PNPLA8: variants seen among roughly 807,000 people sequenced by gnomAD.
The protein encoded by PNPLA8 is calcium-independent phospholipase A2-gamma.
PNPLA8 carries 39 observed loss-of-function variants against 76.9 expected under a neutral mutation model. That is an observed-to-expected ratio of 0.51 (90% CI 0.39 to 0.66). The LOEUF is 0.66. Among genes scored for constraint, PNPLA8 ranks in the 30% least tolerant of loss-of-function variants. The probability of loss-of-function intolerance (pLI) is 0.00; values close to 1 mark genes in which losing one functional copy is unlikely to be tolerated. For synonymous variants in PNPLA8, 301 were observed against 307.9 expected, an observed-to-expected ratio of 0.98 and a Z score of 0.24; for missense variants, 887 against 918.0, an observed-to-expected ratio of 0.97 and a Z score of 0.44.
chr7:108,522,648 C>T (rs1863828702), intron 1 of PNPLA8, among the ~76,000 whole-genome samples: 1 of 152,086 alleles, frequency 6.6e-6, no homozygotes, highest in African/African-American at 2.4e-5. Context: ...TCCTTAAACT[C>T]GACAAAATTT....
intron 4 of PNPLA8, chr7:108,511,040 G>GAAAAA (rs60102827): frequency 9.0e-5 from 33 of 366,902 alleles, no homozygotes; most frequent in South Asian, 6.1e-4. Context: ...TCTCAAATTG[G>GAAAAA]AAAAAAAAAA....
At chr7:108,487,172 G>A (rs978768892) in intron 9 of PNPLA8, among the ~76,000 whole-genome samples, 3 of 152,068 alleles carry the variant, frequency 2.0e-5, no homozygotes, top group African/African-American at 7.2e-5. Flanking sequence ...TATAATTACG[G>A]ACAACATCCT....
intron 9 of PNPLA8, among the ~76,000 whole-genome samples, chr7:108,481,040 C>T (rs1282610804): frequency 6.6e-6 from 1 of 152,174 alleles, no homozygotes; most frequent in Non-Finnish European, 1.5e-5. Context: ...CAAGTAGTTG[C>T]ATGTATCAAT....
At chr7:108,519,566 C>T (rs1863593891) in intron 2 of PNPLA8, among the ~76,000 whole-genome samples, 2 of 152,100 alleles carry the variant, frequency 1.3e-5, no homozygotes, top group African/African-American at 4.8e-5. Context: ...GAAGTAAAAT[C>T]CTTCCTTCTA....
intron 1 of PNPLA8, among the ~76,000 whole-genome samples, chr7:108,522,155 G>A (rs1863783975): frequency 1.3e-5 from 2 of 151,878 alleles, no homozygotes; most frequent in African/African-American, 2.4e-5. Flanking sequence ...TTAGCCGGGC[G>A]TGGTGGTACG....
intron 4 of PNPLA8, chr7:108,510,952 C>T (rs1030400676): frequency 1.3e-6 from 2 of 1,561,938 alleles, no homozygotes; most frequent in South Asian, 2.2e-5. Context: ...ACCAGATCAA[C>T]AGGCTTATTA....
intron 1 of PNPLA8, among the ~76,000 whole-genome samples, chr7:108,522,098 A>T (rs1863779160): frequency 6.6e-6 from 1 of 151,818 alleles, no homozygotes; most frequent in South Asian, 2.1e-4. Context: ...GTTCAAGACC[A>T]GCCTGGCCAA....
intron 5 of PNPLA8, among the ~76,000 whole-genome samples, chr7:108,500,466 T>A (rs1374837604): frequency 6.6e-6 from 1 of 152,242 alleles, no homozygotes; most frequent in Non-Finnish European, 1.5e-5. Flanking sequence ...TCTGTATGGA[T>A]ATAATCTTAT....
In PNPLA8 at chr7:108,472,583, G is replaced by A. The variant is rs768930646; in HGVS notation, c.2167C>T (p.Arg723Ter). ...MCENIPLDESRNEKLDQLQLE... is the reference protein window; with the variant it reads ...MCENIPLDES Reference sequence around the variant, plus strand: ...TGCAGCTGATCCAGCTTTTCATTTCGACTTTCATCTAGAGGTATGTTTTCA... The same window carrying A: ...TGCAGCTGATCCAGCTTTTCATTTCAACTTTCATCTAGAGGTATGTTTTCA... Residue 723 changes from arginine (R) to a stop codon, truncating the protein, a stop_gained, in exon 11 of 11, where the codon CGA (arginine) becomes TGA (stop). Coordinates refer to ENST00000257694, the MANE Select transcript of PNPLA8 (RefSeq NM_001256007.3). LOFTEE classifies it high-confidence loss of function. The A allele has an allele frequency of 1.9e-6, 3 of 1,612,254 alleles. No individual in the cohort carries two copies. Among genetic ancestry groups the A allele is most frequent in the African/African-American group, 2.7e-5 (2 of 74,616 alleles).
rs369261888 is a variant in PNPLA8, at chr7:108,502,442, CAAAAAAAAAAAAAAA to C, written c.1358+34_1358+48del. On this transcript the variant is annotated intron_variant, in intron 5 of 10. Transcript: ENST00000257694. ...TGGGCAACAGAGGGAAACTCCATCT[CAAAAAAAAAAAAAAA>C]AAAAAAAAAAAAGAATCATGTTCCT... The C allele has an allele frequency of 2.1e-5, 13 of 624,224 alleles. No individual in the cohort carries two copies. The African/African-American group carries it at 2.5e-4, about 12-fold the overall frequency. The allele number at this position is 624,224 out of a possible 1,614,324, so 38.7% of individuals were successfully genotyped here. A position where few individuals can be genotyped will look rare whatever the true frequency, so the allele number is the denominator to read the frequency against.
In PNPLA8 at chr7:108,505,552, G is replaced by A. The variant is rs375716860; in HGVS notation, c.1207-2910C>T. On this transcript the variant is annotated intron_variant, in intron 4 of 10. Transcript: ENST00000257694. Reference sequence around the variant, plus strand: ...TAATTTTTGTATTTTTAGTAGAGACGAGGTTTCACCACGTTGGCCAGGATG... The same window carrying A: ...TAATTTTTGTATTTTTAGTAGAGACAAGGTTTCACCACGTTGGCCAGGATG... 4.0e-5 allele frequency among the ~76,000 whole-genome samples: 6 copies of A among 150,188 alleles called. No homozygotes were observed. The East Asian group carries it at 7.8e-4, about 20-fold the overall frequency.
In PNPLA8 at chr7:108,491,410, C is replaced by T. The variant is rs1383167512; in HGVS notation, c.1683G>A (p.Lys561=). Residue 561 remains lysine, a splice_region_variant and synonymous_variant, in exon 8 of 11, where the codon AAG becomes AAA. Transcript: ENST00000257694. ...TATATTTAAGAGACTCTAAGCTTAC[C>T]TTAGGACATGTGGGGTTTCTTGCTG... is the stretch of plus-strand genomic sequence containing the variant. ...IETARNPTCP[K]VAAVSTIVNR... 1 of 1,592,724 alleles carries T rather than the reference C, an allele frequency of 6.3e-7. No individual in the cohort carries two copies. Among genetic ancestry groups the T allele is most frequent in the Non-Finnish European group, 8.6e-7 (1 of 1,160,478 alleles).
At chr7:108,526,478 G>C (rs1239521001), upstream of PNPLA8, among the ~76,000 whole-genome samples, 1 of 152,240 alleles carries the variant, frequency 6.6e-6, no homozygotes, top group Non-Finnish European at 1.5e-5. Flanking sequence ...GGACCTCGGA[G>C]CAGTGTCCTG....
chr7:108,510,105 C>T (rs1862790432), intron 4 of PNPLA8: 1 of 521,692 alleles, frequency 1.9e-6, no homozygotes, highest in African/African-American at 2.1e-5. Flanking sequence ...TGCAGCGCAC[C>T]AGCATGGCAC....
At chr7:108,506,540 T>C (rs965654943) in intron 4 of PNPLA8, among the ~76,000 whole-genome samples, 8 of 152,268 alleles carry the variant, frequency 5.3e-5, no homozygotes, top group African/African-American at 1.9e-4. Flanking sequence ...ATAGTACTCT[T>C]AGGTATATAC....
At position 108,514,793 on chromosome 7, in the gene PNPLA8, T is replaced by C. The variant is rs752488325; in HGVS notation, c.699A>G (p.Lys233=). Residue 233 remains lysine (K), a synonymous_variant, in exon 3 of 11, where the codon AAA becomes AAG. Coordinates refer to ENST00000257694, the MANE Select transcript of PNPLA8 (RefSeq NM_001256007.3). ...QQKENEHFRD[K]SELEDKKVEE... is the part of the protein sequence containing the mutation. ...CTACCTTTTTATCTTCAAGTTCTGA[T>C]TTGTCCCGGAAATGTTCATTTTCCT... is the stretch of plus-strand genomic sequence containing the variant. 7 of 1,613,474 alleles carry C rather than the reference T, an allele frequency of 4.3e-6. No homozygotes were observed. In the South Asian group the frequency reaches 7.7e-5, roughly 18 times the overall value.
At chr7:108,510,534 G>A (rs908235968) in intron 4 of PNPLA8, 11 of 1,382,786 alleles carry the variant, frequency 8.0e-6, no homozygotes, top group Admixed American at 5.0e-5. Flanking sequence ...AGTGGCGTGA[G>A]CCCAAAGGTC....
intron 9 of PNPLA8, among the ~76,000 whole-genome samples, chr7:108,486,317 A>G (rs190156871): frequency 6.6e-5 from 10 of 152,262 alleles, no homozygotes; most frequent in Admixed American, 6.5e-4. Flanking sequence ...TTTTACATAC[A>G]CTGTCTAAAT....
chr7:108,476,169 A>G (rs909108277), intron 10 of PNPLA8, among the ~76,000 whole-genome samples: 2 of 152,218 alleles, frequency 1.3e-5, no homozygotes, highest in African/African-American at 2.4e-5. Context: ...GTTATATCTT[A>G]TAACAGCAAT....
Sources: gnomAD v4.1 joint callset for allele counts (sites outside exome capture counted in the v4.1 genomes callset) on GRCh38, gnomAD v4.1.1 for gene constraint, MANE v1.5 for transcripts, NCBI Gene and HGNC (gene_info 2026-07-23, HGNC 2026-07-21) for gene names.